The following TMEM106B variants were observed in gnomAD, a reference collection of about 807,000 sequenced individuals.
TMEM106B encodes the protein transmembrane protein 106B.
In TMEM106B, 15 loss-of-function variants were observed where a neutral mutation model predicts 31.1. The observed-to-expected ratio is 0.48, with a 90% CI of 0.32 to 0.74. The LOEUF (loss-of-function observed/expected upper bound fraction) is 0.74. Ranked by LOEUF, TMEM106B falls within the 30% of genes least tolerant of loss-of-function variation. The probability of loss-of-function intolerance (pLI) is 0.03; values close to 1 mark genes in which losing one functional copy is unlikely to be tolerated. For missense variants in TMEM106B, 283 were observed against 327.3 expected (o/e 0.86, Z 1.04); for synonymous variants, 126 against 112.5 (o/e 1.12, Z -0.76).
intron 7 of TMEM106B, 184 bp downstream of exon 7, chr7:12,231,299 GA>G (rs1446937928): frequency 4.0e-6 from 2 of 505,830 alleles, no homozygotes; most frequent in African/African-American, 4.0e-5. Context: ...GAGAAGTAGT[GA>G]AAGACTACGT....
chr7:12,222,076 G>A (rs916835309), intron 3 of TMEM106B, among the ~76,000 whole-genome samples: 3 of 152,114 alleles, frequency 2.0e-5, no homozygotes, highest in Non-Finnish European at 2.9e-5. Flanking sequence ...GCTTTTGTCT[G>A]TATACTTTAG....
chr7:12,223,342 ATT>A (rs11368032), intron 3 of TMEM106B, among the ~76,000 whole-genome samples: 1 of 151,144 alleles, frequency 6.6e-6, no homozygotes, highest in African/African-American at 2.4e-5. Context: ...TGGTTGTGTC[ATT>A]TTTTTTTAAT....
intron 4 of TMEM106B, among the ~76,000 whole-genome samples, chr7:12,228,278 C>T (rs1781943878): frequency 1.3e-5 from 2 of 151,814 alleles, no homozygotes; most frequent in African/African-American, 4.8e-5. Context: ...TCCTTCAACT[C>T]ATCCCATATT....
intron 2 of TMEM106B, chr7:12,215,825 T>C (rs185961428): frequency 1.3e-3 from 229 of 171,496 alleles, no homozygotes; most frequent in Non-Finnish European, 2.3e-3. Context: ...ATGAGCCAAA[T>C]TGAAAAAAAA....
intron 3 of TMEM106B, among the ~76,000 whole-genome samples, chr7:12,223,624 C>T (rs1305048091): frequency 1.3e-5 from 2 of 151,934 alleles, no homozygotes; most frequent in East Asian, 3.9e-4. Flanking sequence ...TATGAAGCTC[C>T]TCAGCTTGAA....
At chr7:12,225,894 C>T (rs527261468) in intron 4 of TMEM106B, among the ~76,000 whole-genome samples, 1 of 152,258 alleles carries the variant, frequency 6.6e-6, no homozygotes, top group South Asian at 2.1e-4. Flanking sequence ...GCTTTTGTTG[C>T]CATTGCTTTT....
At chr7:12,220,990 A>G (rs984707087) in intron 3 of TMEM106B, among the ~76,000 whole-genome samples, 4 of 152,086 alleles carry the variant, frequency 2.6e-5, no homozygotes, top group Non-Finnish European at 4.4e-5. Flanking sequence ...TATACACACA[A>G]AGAGACAAAC....
chr7:12,223,144 C>T (rs1445418317), intron 3 of TMEM106B, among the ~76,000 whole-genome samples: 1 of 152,046 alleles, frequency 6.6e-6, no homozygotes, highest in African/African-American at 2.4e-5. Flanking sequence ...AAGTTTTTAC[C>T]TACAAATTTT....
rs966162437 is a variant in TMEM106B, at chr7:12,237,177, A to G, written c.*5202A>G. ...AAAATGCTATTTTTTTAATTCAGTT[A>G]TAACTGTTACTCTTGTAGTTGTGTA... On this transcript the variant is annotated 3_prime_UTR_variant, in exon 8 of 8. Transcript: ENST00000396668. 1.3e-5 allele frequency: 2 copies of G among 152,080 alleles called. No individual in the cohort carries two copies. Among genetic ancestry groups the G allele is most frequent in the African/African-American group, 4.8e-5 (2 of 41,446 alleles). 9.4% of individuals were successfully genotyped at this position (152,080 alleles called of 1,614,324 possible). A position where few individuals can be genotyped will look rare whatever the true frequency, so the allele number is the denominator to read the frequency against.
Position 12,215,095 on chromosome 7 carries a change from T to G in TMEM106B, c.217+68T>G, listed in dbSNP as rs112546831. On this transcript the variant is annotated intron_variant, in intron 2 of 7. Transcript: ENST00000396668. ...ATTTGCTCAAGTATTATAAAAACTG[T>G]GGGTCTCAGGAACCACCTGTTTTAG... 76 of 1,406,992 alleles carry G rather than the reference T, an allele frequency of 5.4e-5. 2 individuals carry two copies. The African/African-American group carries it at 6.9e-4, about 13-fold the overall frequency. 87.2% of individuals were successfully genotyped at this position (1,406,992 alleles called of 1,614,324 possible). A position where few individuals can be genotyped will look rare whatever the true frequency, so the allele number is the denominator to read the frequency against.
At chr7:12,229,637 T>G (rs1329081287) in intron 4 of TMEM106B, 42 bp from the exon 5 acceptor site, 3 of 1,484,696 alleles carry the variant, frequency 2.0e-6, no homozygotes, top group Non-Finnish European at 2.7e-6. Context: ...TATTTGTATA[T>G]TTTTAGCTAA....
intron 3 of TMEM106B, among the ~76,000 whole-genome samples, chr7:12,219,144 A>G (rs1275817703): frequency 6.6e-6 from 1 of 152,208 alleles, no homozygotes; most frequent in Non-Finnish European, 1.5e-5. Flanking sequence ...GAAATGTGGA[A>G]GCAAAAATTA....
At chr7:12,227,306 CTT>C (rs1781920027) in intron 4 of TMEM106B, among the ~76,000 whole-genome samples, 2 of 151,952 alleles carry the variant, frequency 1.3e-5, no homozygotes, top group Non-Finnish European at 2.9e-5. Flanking sequence ...TAACATTTGT[CTT>C]TCTACTTATG....
At chr7:12,226,278 TGTA>T (rs1443628016) in intron 4 of TMEM106B, among the ~76,000 whole-genome samples, 1 of 152,180 alleles carries the variant, frequency 6.6e-6, no homozygotes, top group East Asian at 1.9e-4. Flanking sequence ...ACTGTAGCCT[TGTA>T]GTATAGTTTG....
In TMEM106B at chr7:12,241,011, C is replaced by CAATAGACA. The variant is rs1471745691; in HGVS notation, c.*9040_*9047dup. 9.9e-5 allele frequency: 15 copies of CAATAGACA among 152,214 alleles called. No homozygotes were observed. Among genetic ancestry groups the CAATAGACA allele is most frequent in the Middle Eastern group, 3.4e-3 (1 of 294 alleles). 9.4% of individuals were successfully genotyped at this position (152,214 alleles called of 1,614,324 possible). ...ATTTTCTAAATAGCACTGAAAATGA[C>CAATAGACA]AATAGACAAATGTAATTTCTGATTT... On this transcript the variant is annotated 3_prime_UTR_variant, in exon 8 of 8. Coordinates refer to ENST00000396668, the MANE Select transcript of TMEM106B (RefSeq NM_001134232.2).
intron 4 of TMEM106B, among the ~76,000 whole-genome samples, chr7:12,229,214 T>C (rs1781964073): frequency 6.6e-6 from 1 of 152,142 alleles, no homozygotes; most frequent in African/African-American, 2.4e-5. Flanking sequence ...CAGCTATTAG[T>C]TGTTACTTAA....
chr7:12,221,515 C>A (rs1042699188), intron 3 of TMEM106B, among the ~76,000 whole-genome samples: 2 of 152,088 alleles, frequency 1.3e-5, no homozygotes, highest in African/African-American at 4.8e-5. Flanking sequence ...TGAAATACCC[C>A]ACCTGAAATC....
chr7:12,215,221 A>C (rs894572407), intron 2 of TMEM106B, among the ~76,000 whole-genome samples, 194 bp downstream of exon 2: 1 of 152,216 alleles, frequency 6.6e-6, no homozygotes, highest in East Asian at 1.9e-4. Flanking sequence ...CTAAAGCAGT[A>C]AAGAAAACCA....
intron 7 of TMEM106B, chr7:12,231,406 C>T (rs1295479564): frequency 3.3e-6 from 1 of 305,342 alleles, no homozygotes; most frequent in African/African-American, 2.2e-5. Context: ...ACTCCCTTGA[C>T]AAATAGTCAT....
Sources: allele counts gnomAD v4.1 joint callset (sites outside exome capture counted in the v4.1 genomes callset), GRCh38; gene constraint gnomAD v4.1.1; transcripts MANE v1.5; gene names NCBI Gene and HGNC (gene_info 2026-07-23, HGNC 2026-07-21).